Variants in FAF1 observed in about 807,000 individuals in gnomAD.
The protein encoded by FAF1 is FAS-associated factor 1.
A neutral mutation model predicts 92.5 loss-of-function variants in FAF1; 25 were observed. That is an observed-to-expected ratio of 0.27 (90% CI 0.20 to 0.38). The LOEUF (loss-of-function observed/expected upper bound fraction) is 0.38. Ranked by LOEUF, FAF1 falls within the 10% of genes least tolerant of loss-of-function variation. The pLI, the probability that FAF1 is intolerant of heterozygous loss-of-function variation, is 1.00. For missense variants in FAF1, 636 were observed against 793.3 expected, an observed-to-expected ratio of 0.80 and a Z score of 2.38; for synonymous variants, 234 against 273.2, an observed-to-expected ratio of 0.86 and a Z score of 1.42.
At chr1:50,809,836 A>G (rs911892091) in intron 2 of FAF1, among the ~76,000 whole-genome samples, 1 of 152,264 alleles carries the variant, frequency 6.6e-6, no homozygotes, top group Non-Finnish European at 1.5e-5. Context: ...CTTCAGGCCA[A>G]TATCATTGAT....
Position 50,601,661 on chromosome 1 carries a change from G to A in FAF1, c.745-5445C>T, listed in dbSNP as rs181419110. The stretch of plus-strand genomic sequence containing the variant: ...TGAGCCGCTGCACTCCAGCCTGGGT[G>A]AGACTCAGTCTCAAACAATACATAT... On this transcript the variant is annotated intron_variant, in intron 8 of 18. Coordinates refer to ENST00000396153, the MANE Select transcript of FAF1 (RefSeq NM_007051.3). Among the ~76,000 whole-genome samples the A allele has an allele frequency of 2.0e-4, 30 of 152,002 alleles. No homozygotes were observed. The East Asian group carries it at 5.6e-3, about 28-fold the overall frequency.
chr1:50,662,509 C>T (rs1336990745), intron 7 of FAF1, among the ~76,000 whole-genome samples: 1 of 151,932 alleles, frequency 6.6e-6, no homozygotes, highest in East Asian at 1.9e-4. Context: ...GGATTTTGGC[C>T]ATCCTGAAAC....
rs1006919372 is a variant in FAF1, at chr1:50,709,615, C to T, written c.552-3724G>A. Among the ~76,000 whole-genome samples the T allele has an allele frequency of 8.5e-5, 13 of 152,206 alleles. 1 individual carries two copies. In the South Asian group the frequency reaches 2.7e-3, roughly 32 times the overall value. On this transcript the variant is annotated intron_variant, in intron 6 of 18. Coordinates refer to ENST00000396153, the MANE Select transcript of FAF1 (RefSeq NM_007051.3). Reference sequence around the variant, plus strand: ...GAACTAATTGTCCCTGGTCATCAAGCTACAAAGAGGTAGAATCCAGCCCCT... The same window carrying T: ...GAACTAATTGTCCCTGGTCATCAAGTTACAAAGAGGTAGAATCCAGCCCCT...
chr1:50,886,405 T>A (rs1644664647), intron 1 of FAF1, among the ~76,000 whole-genome samples: 1 of 152,154 alleles, frequency 6.6e-6, no homozygotes, highest in Admixed American at 6.6e-5. Context: ...ATACTTTAAG[T>A]TCTAGGGTAC....
intron 18 of FAF1, among the ~76,000 whole-genome samples, chr1:50,450,450 ACTGCCTCTCAACTTCT>A: frequency 6.6e-6 from 1 of 152,258 alleles, no homozygotes; most frequent in African/African-American, 2.4e-5. Context: ...ATTACCCTTC[ACTGCCTCTCAACTTCT>A]GACCTACTTC....
chr1:50,940,658 T>C (rs1645125393), intron 1 of FAF1, among the ~76,000 whole-genome samples: 1 of 152,252 alleles, frequency 6.6e-6, no homozygotes. Context: ...TACTTTGCAT[T>C]GATATAGATT....
At chr1:50,702,977 C>A (rs1204714867) in intron 7 of FAF1, among the ~76,000 whole-genome samples, 2 of 151,596 alleles carry the variant, frequency 1.3e-5, no homozygotes, top group East Asian at 1.9e-4. Flanking sequence ...GCAAAGTTTT[C>A]TTTTAAAAAT....
chr1:50,936,012 A>G (rs1184723139), intron 1 of FAF1, among the ~76,000 whole-genome samples: 3 of 152,240 alleles, frequency 2.0e-5, no homozygotes, highest in African/African-American at 7.2e-5. Flanking sequence ...GTCCATTTAC[A>G]TATGCAAATG....
chr1:50,837,449 T>C (rs886962825), intron 2 of FAF1, among the ~76,000 whole-genome samples: 3 of 152,228 alleles, frequency 2.0e-5, no homozygotes, highest in African/African-American at 7.2e-5. Context: ...CCTGGTTGCT[T>C]CCTCATGATT....
intron 1 of FAF1, among the ~76,000 whole-genome samples, chr1:50,864,022 T>A (rs935523476): frequency 5.9e-5 from 9 of 152,070 alleles, no homozygotes; most frequent in African/African-American, 1.9e-4. Context: ...TGATCGTAGT[T>A]TGTATTTCTG....
At chr1:50,492,887 T>C (rs981163421) in intron 15 of FAF1, among the ~76,000 whole-genome samples, 1 of 152,170 alleles carries the variant, frequency 6.6e-6, no homozygotes, top group African/African-American at 2.4e-5. Flanking sequence ...AATAGGAACA[T>C]TTCATTGCTT....
At chr1:50,447,586 T>G (rs755196522) in intron 18 of FAF1, among the ~76,000 whole-genome samples, 1 of 152,178 alleles carries the variant, frequency 6.6e-6, no homozygotes, top group Admixed American at 6.5e-5. Flanking sequence ...GCACTGTGAG[T>G]TGAAGGGACC....
chr1:50,914,717 T>C (rs1435577256), intron 1 of FAF1, among the ~76,000 whole-genome samples: 1 of 152,188 alleles, frequency 6.6e-6, no homozygotes, highest in Non-Finnish European at 1.5e-5. Flanking sequence ...CCCACATAAC[T>C]GAAAAAGCAA....
At chr1:50,585,389 T>C (rs1366415776) in intron 9 of FAF1, among the ~76,000 whole-genome samples, 1 of 152,206 alleles carries the variant, frequency 6.6e-6, no homozygotes, top group African/African-American at 2.4e-5. Flanking sequence ...GTAATAATAA[T>C]GTTTTAATTC....
At chr1:50,572,262 C>T (rs181385877) in intron 12 of FAF1, among the ~76,000 whole-genome samples, 117 of 152,272 alleles carry the variant, frequency 7.7e-4, no homozygotes, top group African/African-American at 2.8e-3. Flanking sequence ...TAATACTTCC[C>T]TGAAACATCT....
intron 1 of FAF1, among the ~76,000 whole-genome samples, chr1:50,895,871 A>G (rs1644754007): frequency 6.6e-6 from 1 of 152,216 alleles, no homozygotes; most frequent in African/African-American, 2.4e-5. Context: ...AAAAGCCTCA[A>G]CACACTGGGT....
At chr1:50,536,797 G>A (rs982471045) in intron 14 of FAF1, among the ~76,000 whole-genome samples, 2 of 152,210 alleles carry the variant, frequency 1.3e-5, no homozygotes, top group African/African-American at 2.4e-5. Flanking sequence ...ATAAATAAAT[G>A]AATAAGTGAA....
chr1:50,719,767 A>G (rs867566203), intron 6 of FAF1, among the ~76,000 whole-genome samples: 3 of 152,192 alleles, frequency 2.0e-5, no homozygotes, highest in African/African-American at 7.2e-5. Context: ...CTGACTATCC[A>G]TTAAATCAAC....
intron 8 of FAF1, among the ~76,000 whole-genome samples, chr1:50,610,562 T>A (rs1652640125): frequency 6.6e-6 from 1 of 152,238 alleles, no homozygotes. Flanking sequence ...AAGTTTATAC[T>A]AAATGGGTGA....
Sources: gnomAD v4.1 joint callset for allele counts (sites outside exome capture counted in the v4.1 genomes callset) on GRCh38, gnomAD v4.1.1 for gene constraint, MANE v1.5 for transcripts, NCBI Gene and HGNC (gene_info 2026-07-23, HGNC 2026-07-21) for gene names.